Variants in DAAM1 observed in about 807,000 individuals in gnomAD.
DAAM1 encodes disheveled-associated activator of morphogenesis 1.
A neutral mutation model predicts 130.0 loss-of-function variants in DAAM1; 52 were observed. The observed-to-expected ratio is 0.40, with a 90% CI of 0.32 to 0.50. The LOEUF is 0.50. DAAM1 is among the 20% of genes least tolerant of loss of function. The probability of loss-of-function intolerance (pLI) is 0.61; values close to 1 mark genes in which losing one functional copy is unlikely to be tolerated. For synonymous variants in DAAM1, 452 were observed against 444.5 expected, an observed-to-expected ratio of 1.02 and a Z score of -0.21; for missense variants, 1,134 against 1,303.8, an observed-to-expected ratio of 0.87 and a Z score of 2.01.
intron 1 of DAAM1, among the ~76,000 whole-genome samples, chr14:59,201,170 A>G (rs1215220924): frequency 6.7e-6 from 1 of 150,316 alleles, no homozygotes; most frequent in Non-Finnish European, 1.5e-5. Flanking sequence ...CAAAAAAAAA[A>G]AAAAAAAAAA....
chr14:59,292,890 C>T (rs1883806643), intron 3 of DAAM1, among the ~76,000 whole-genome samples: 1 of 152,170 alleles, frequency 6.6e-6, no homozygotes, highest in South Asian at 2.1e-4. Flanking sequence ...ATTGAACCAA[C>T]TAGAAAACCT....
intron 4 of DAAM1, among the ~76,000 whole-genome samples, chr14:59,319,554 G>T (rs1884923126): frequency 6.6e-6 from 1 of 152,102 alleles, no homozygotes; most frequent in Admixed American, 6.6e-5. Flanking sequence ...TAGGTAAAAA[G>T]ATTAAACTAG....
At chr14:59,300,227 G>A (rs1302539655) in intron 3 of DAAM1, among the ~76,000 whole-genome samples, 3 of 152,192 alleles carry the variant, frequency 2.0e-5, no homozygotes, top group Non-Finnish European at 2.9e-5. Context: ...TTACAAATAA[G>A]TAAGTTATTA....
chr14:59,219,814 C>G (rs1462873843), intron 1 of DAAM1, among the ~76,000 whole-genome samples: 1 of 152,152 alleles, frequency 6.6e-6, no homozygotes, highest in Admixed American at 6.5e-5. Context: ...TAGGATCCTG[C>G]TTGTCTAATA....
intron 1 of DAAM1, among the ~76,000 whole-genome samples, chr14:59,249,711 C>G (rs1361024031): frequency 6.6e-6 from 1 of 152,112 alleles, no homozygotes; most frequent in Non-Finnish European, 1.5e-5. Flanking sequence ...AGTGTGATGA[C>G]TTTTTTATTC....
At chr14:59,260,420 AT>A (rs1882114231) in intron 1 of DAAM1, among the ~76,000 whole-genome samples, 1 of 152,086 alleles carries the variant, frequency 6.6e-6, no homozygotes, top group Admixed American at 6.6e-5. Flanking sequence ...TGTTATATTT[AT>A]TTTGTCCTTT....
At chr14:59,328,454 T>C (rs894337348) in intron 12 of DAAM1, among the ~76,000 whole-genome samples, 2 of 152,196 alleles carry the variant, frequency 1.3e-5, no homozygotes, top group Non-Finnish European at 2.9e-5. Context: ...AGGAGAGCAC[T>C]TAGGATGTAA....
intron 4 of DAAM1, among the ~76,000 whole-genome samples, chr14:59,318,524 G>A (rs1057488337): frequency 3.1e-4 from 46 of 150,384 alleles, no homozygotes; most frequent in African/African-American, 1.1e-3. Context: ...CAGAAATCTA[G>A]GCATCTCCCT....
intron 1 of DAAM1, among the ~76,000 whole-genome samples, chr14:59,226,185 A>T (rs1026267668): frequency 6.6e-6 from 1 of 152,106 alleles, no homozygotes; most frequent in Non-Finnish European, 1.5e-5. Flanking sequence ...TTTCAGCTTG[A>T]TGGAGGGATA....
intron 1 of DAAM1, among the ~76,000 whole-genome samples, chr14:59,217,125 G>C (rs1862410442): frequency 6.6e-6 from 1 of 152,162 alleles, no homozygotes; most frequent in Non-Finnish European, 1.5e-5. Flanking sequence ...ATGGAGGCAG[G>C]GGTGAGGTAG....
At chr14:59,338,762 C>T (rs75341124) in intron 15 of DAAM1, among the ~76,000 whole-genome samples, 4,223 of 151,274 alleles carry the variant, frequency 0.028, 85 homozygotes, top group Middle Eastern at 0.044. Context: ...TTGTTTTTTT[C>T]CTCCTAATTC....
At chr14:59,256,829 G>A (rs537066231) in intron 1 of DAAM1, among the ~76,000 whole-genome samples, 1 of 152,278 alleles carries the variant, frequency 6.6e-6, no homozygotes, top group Middle Eastern at 3.4e-3. Flanking sequence ...TTCTTCGTCT[G>A]TGTCTCCAGT....
At chr14:59,290,615 A>G (rs1883703367) in intron 2 of DAAM1, among the ~76,000 whole-genome samples, 1 of 152,208 alleles carries the variant, frequency 6.6e-6, no homozygotes, top group Non-Finnish European at 1.5e-5. Context: ...ATTCAAGAAA[A>G]TAACCTCCTT....
At chr14:59,276,926 G>C (rs1219159983) in intron 2 of DAAM1, among the ~76,000 whole-genome samples, 2 of 152,092 alleles carry the variant, frequency 1.3e-5, no homozygotes, top group Non-Finnish European at 2.9e-5. Context: ...ATCATTATTT[G>C]AATGTCCTCA....
chr14:59,204,800 G>C (rs1047362074), intron 1 of DAAM1, among the ~76,000 whole-genome samples: 1 of 152,224 alleles, frequency 6.6e-6, no homozygotes, highest in African/African-American at 2.4e-5. Flanking sequence ...GGGAGGCCGA[G>C]GCAGGTGGGT....
chr14:59,199,799 A>C (rs1252192289), intron 1 of DAAM1, among the ~76,000 whole-genome samples: 2 of 152,298 alleles, frequency 1.3e-5, no homozygotes, highest in Non-Finnish European at 2.9e-5. Flanking sequence ...TGTGCTGTGC[A>C]CTGTAGGATG....
At chr14:59,348,893 T>A (rs1886181875) in intron 17 of DAAM1, among the ~76,000 whole-genome samples, 1 of 152,196 alleles carries the variant, frequency 6.6e-6, no homozygotes, top group Non-Finnish European at 1.5e-5. Context: ...GGGAAATCCC[T>A]CACATTTGCC....
intron 1 of DAAM1, among the ~76,000 whole-genome samples, chr14:59,210,529 A>G (rs1056539550): frequency 5.3e-5 from 8 of 152,250 alleles, no homozygotes; most frequent in Admixed American, 4.6e-4. Flanking sequence ...GAAACTTACG[A>G]TATCTCCAGG....
intron 3 of DAAM1, among the ~76,000 whole-genome samples, chr14:59,310,692 A>G (rs999413857): frequency 2.6e-5 from 4 of 152,214 alleles, no homozygotes; most frequent in Admixed American, 2.0e-4. Context: ...TCTCCACTAT[A>G]TTTGAGATGA....
Sources: gnomAD v4.1 joint callset for allele counts (sites outside exome capture counted in the v4.1 genomes callset) on GRCh38, gnomAD v4.1.1 for gene constraint, MANE v1.5 for transcripts, NCBI Gene and HGNC (gene_info 2026-07-23, HGNC 2026-07-21) for gene names.